The following PRORP variants were observed in gnomAD, a reference collection of about 807,000 sequenced individuals.
The protein encoded by PRORP is protein only RNase P catalytic subunit, also known as mitochondrial ribonuclease P catalytic subunit.
Under a neutral mutation model 59.4 loss-of-function variants are expected in PRORP, and 51 were observed. The ratio of observed to expected loss-of-function variants is 0.86; its 90% CI spans 0.69 to 1.08. The LOEUF (loss-of-function observed/expected upper bound fraction) is 1.08. PRORP is among the 50% of genes least tolerant of loss of function. PRORP has a pLI of 0.00. For synonymous variants in PRORP, 231 were observed against 245.6 expected (o/e 0.94, Z 0.55); for missense variants, 646 against 690.3 (o/e 0.94, Z 0.72).
At chr14:35,205,614 AC>A (rs143677490) in intron 5 of PRORP, among the ~76,000 whole-genome samples, 2,615 of 152,312 alleles carry the variant, frequency 0.017, 79 homozygotes, top group African/African-American at 0.057. Flanking sequence ...GACCCACCAT[AC>A]CCAGTGATAT....
chr14:35,248,443 C>G (rs916316102), intron 5 of PRORP, among the ~76,000 whole-genome samples: 2 of 152,246 alleles, frequency 1.3e-5, no homozygotes, highest in African/African-American at 4.8e-5. Flanking sequence ...TCTTCCATTT[C>G]TCTCATTTTC....
At chr14:35,136,781 A>C (rs894592118) in intron 4 of PRORP, among the ~76,000 whole-genome samples, 3 of 145,334 alleles carry the variant, frequency 2.1e-5, no homozygotes, top group African/African-American at 7.3e-5. Flanking sequence ...TAATAGGTTA[A>C]ATGCGAAGAG....
chr14:35,162,402 TA>T (rs1368287619), intron 4 of PRORP, among the ~76,000 whole-genome samples: 1 of 152,044 alleles, frequency 6.6e-6, no homozygotes, highest in Non-Finnish European at 1.5e-5. Flanking sequence ...CTATATGAAG[TA>T]AAAAAATAAA....
chr14:35,237,331 G>A (rs553998923), intron 5 of PRORP, among the ~76,000 whole-genome samples: 6 of 151,834 alleles, frequency 4.0e-5, no homozygotes, highest in South Asian at 4.2e-4. Flanking sequence ...AGACTCAAGC[G>A]ATCCTCCCAC....
intron 4 of PRORP, among the ~76,000 whole-genome samples, chr14:35,141,873 C>A (rs1189678541): frequency 7.0e-6 from 1 of 143,638 alleles, no homozygotes; most frequent in Non-Finnish European, 1.5e-5. Context: ...TGTGGCACAA[C>A]ACCTGGGCAA....
At chr14:35,180,581 C>A in intron 4 of PRORP, 89 bp from the exon 5 acceptor site, 29 of 632,706 alleles carry the variant, frequency 4.6e-5, no homozygotes, top group Non-Finnish European at 5.8e-5. Context: ...TTTGAATTAT[C>A]AAAACAATAA....
chr14:35,177,035 G>A (rs2139021419), intron 4 of PRORP, among the ~76,000 whole-genome samples: 1 of 152,260 alleles, frequency 6.6e-6, no homozygotes, highest in South Asian at 2.1e-4. Flanking sequence ...TTTATATGCT[G>A]GATTACATTT....
intron 4 of PRORP, among the ~76,000 whole-genome samples, chr14:35,147,016 C>G (rs186534508): frequency 1.5e-3 from 234 of 152,184 alleles, no homozygotes; most frequent in African/African-American, 5.4e-3. Context: ...TAGGATCACT[C>G]AAGCCCAGGA....
intron 5 of PRORP, among the ~76,000 whole-genome samples, chr14:35,225,294 A>G (rs1595343008): frequency 1.3e-5 from 2 of 152,208 alleles, no homozygotes; most frequent in East Asian, 3.8e-4. Context: ...TCAATAAACA[A>G]AAAGCTAAGA....
In PRORP at chr14:35,241,522, C is replaced by G. The variant is rs560562999; in HGVS notation, c.1276-25205C>G. On this transcript the variant is annotated intron_variant, in intron 5 of 7. Transcript: ENST00000534898. ...CTCTGGATTATTTTGGTCTTAGACC[C>G]TTTTCATCTCTCACTGTTGCTGAAG... 1.1e-4 allele frequency among the ~76,000 whole-genome samples: 16 copies of G among 152,302 alleles called. No homozygotes were observed. The South Asian group carries it at 2.9e-3, about 28-fold the overall frequency.
intron 4 of PRORP, among the ~76,000 whole-genome samples, chr14:35,134,859 G>C (rs1410183759): frequency 6.6e-6 from 1 of 152,176 alleles, no homozygotes. Flanking sequence ...ACTCACCTAA[G>C]AGTTGCAATC....
chr14:35,198,859 C>G (rs1408808672), intron 5 of PRORP, among the ~76,000 whole-genome samples: 1 of 151,932 alleles, frequency 6.6e-6, no homozygotes, highest in Non-Finnish European at 1.5e-5. Context: ...GGTGAAACCC[C>G]GTCTCTACTA....
At chr14:35,248,750 T>A (rs2050543390) in intron 5 of PRORP, among the ~76,000 whole-genome samples, 1 of 152,224 alleles carries the variant, frequency 6.6e-6, no homozygotes, top group Admixed American at 6.5e-5. Context: ...TAGCAGTCAC[T>A]TGAGAAATAC....
chr14:35,253,340 A>G (rs1306932996), intron 5 of PRORP, among the ~76,000 whole-genome samples: 1 of 148,830 alleles, frequency 6.7e-6, no homozygotes, highest in African/African-American at 2.5e-5. Flanking sequence ...TCAAAAAAAA[A>G]AAAAGAGAGA....
At chr14:35,232,640 T>G (rs927788267) in intron 5 of PRORP, among the ~76,000 whole-genome samples, 1 of 152,154 alleles carries the variant, frequency 6.6e-6, no homozygotes, top group African/African-American at 2.4e-5. Flanking sequence ...TGGTAAAATC[T>G]GGCAACGTCC....
intron 5 of PRORP, among the ~76,000 whole-genome samples, chr14:35,248,315 C>T (rs2050533161): frequency 6.6e-6 from 1 of 152,128 alleles, no homozygotes; most frequent in South Asian, 2.1e-4. Context: ...GATCTGTGTA[C>T]AAAGAGGCAG....
At chr14:35,180,821 T>C in intron 5 of PRORP, 44 bp downstream of exon 5, 1 of 1,265,330 alleles carries the variant, frequency 7.9e-7, no homozygotes, top group Non-Finnish European at 1.1e-6. Context: ...TCTAGAAATA[T>C]TTATTATACC....
At chr14:35,195,565 T>C (rs1051968163) in intron 5 of PRORP, among the ~76,000 whole-genome samples, 3 of 152,164 alleles carry the variant, frequency 2.0e-5, no homozygotes, top group African/African-American at 7.2e-5. Flanking sequence ...CTTTTTCTAG[T>C]TCTTTTTAAA....
At chr14:35,157,012 G>A (rs1319930823) in intron 4 of PRORP, among the ~76,000 whole-genome samples, 4 of 143,900 alleles carry the variant, frequency 2.8e-5, no homozygotes, top group Non-Finnish European at 6.0e-5. Flanking sequence ...CGGGAGTGCA[G>A]TGGCTCCATC....
Sources: allele counts gnomAD v4.1 joint callset (sites outside exome capture counted in the v4.1 genomes callset), GRCh38; gene constraint gnomAD v4.1.1; transcripts MANE v1.5; gene names NCBI Gene and HGNC (gene_info 2026-07-23, HGNC 2026-07-21).